Variants in LAMB3 observed in about 807,000 individuals in gnomAD.
LAMB3 encodes the protein laminin subunit beta 3.
In LAMB3, 104 loss-of-function variants were observed where a neutral mutation model predicts 140.3. The observed-to-expected ratio is 0.74, with a 90% CI of 0.63 to 0.87. The LOEUF is 0.87. Ranked by LOEUF, LAMB3 falls within the 40% of genes least tolerant of loss-of-function variation. LAMB3 has a pLI of 0.00. For missense variants in LAMB3, 1,531 were observed against 1,575.2 expected (o/e 0.97, Z 0.47); for synonymous variants, 592 against 602.9 (o/e 0.98, Z 0.26).
intron 3 of LAMB3, among the ~76,000 whole-genome samples, chr1:209,646,511 C>G (rs566097806): frequency 6.6e-6 from 1 of 152,340 alleles, no homozygotes; most frequent in Admixed American, 6.5e-5. Flanking sequence ...CACCCCCAGT[C>G]TGGGGTGACT....
chr1:209,623,892 C>T lies in LAMB3; in HGVS notation c.2085G>A (p.Met695Ile), dbSNP rs754737309. Reference sequence around the variant, plus strand: ...CAAACTGCTCCCTCTTCCTCTGATACATAGTAAGGAGACCATTGAAGCTTC... The same window carrying T: ...CAAACTGCTCCCTCTTCCTCTGATATATAGTAAGGAGACCATTGAAGCTTC... ...LDRSFNGLLT[M>I]YQRKREQFEK... The change falls in exon 15 of 23, where the codon ATG (methionine) becomes ATA (isoleucine). Residue 695 changes from methionine to isoleucine, a missense_variant. By Grantham distance (10) the Met-to-Ile change is conservative. Transcript: ENST00000356082. This position sits in a 1 kb window ranked among gnomAD's most constrained non-coding sequence, Gnocchi z 4.2. 1 of 1,614,182 alleles carries T rather than the reference C, an allele frequency of 6.2e-7. No individual in the cohort carries two copies. The highest frequency in any genetic ancestry group is 8.5e-7 in the Non-Finnish European group (1 of 1,180,024).
intron 9 of LAMB3, 124 bp downstream of exon 9, chr1:209,630,491 A>G: frequency 9.1e-7 from 1 of 1,094,368 alleles, no homozygotes; most frequent in Non-Finnish European, 1.4e-6. Context: ...GTAATGGTGC[A>G]ATTCAGTTTA....
At chr1:209,615,880 C>T (rs142336962) in intron 22 of LAMB3, among the ~76,000 whole-genome samples, 1 of 152,196 alleles carries the variant, frequency 6.6e-6, no homozygotes, top group Admixed American at 6.5e-5. Flanking sequence ...ACACTAGAAG[C>T]CAGGCACAGG....
intron 5 of LAMB3, among the ~76,000 whole-genome samples, chr1:209,635,506 G>A (rs190002093): frequency 2.2e-4 from 33 of 152,226 alleles, no homozygotes; most frequent in Admixed American, 3.9e-4. Context: ...AGGTTCCAGC[G>A]ATTCTCATGT....
intron 8 of LAMB3, among the ~76,000 whole-genome samples, chr1:209,631,247 GCT>G (rs1425704198): frequency 6.6e-6 from 1 of 152,248 alleles, no homozygotes; most frequent in African/African-American, 2.4e-5. Flanking sequence ...AACACCTTCA[GCT>G]TGGCATTCAA....
chr1:209,618,617 G>A lies in LAMB3; in HGVS notation c.2744C>T (p.Ala915Val). 1.2e-6 allele frequency: 2 copies of A among 1,614,228 alleles called. No individual in the cohort carries two copies. The highest frequency in any genetic ancestry group is 1.7e-6 in the Non-Finnish European group (2 of 1,180,040). Residue 915 changes from alanine to valine, a missense_variant, in exon 19 of 23, where the codon GCC becomes GTC. Transcript: ENST00000356082. ...TGTGGGCAGCCACAGGGCCAGCACGGCCTCGCTGACCTCCTGGATAGTGGC... is the reference window on the plus strand; with the variant it reads ...TGTGGGCAGCCACAGGGCCAGCACGACCTCGCTGACCTCCTGGATAGTGGC... ...DAATIQEVSE[A>V]VLALWLPTDS...
intron 21 of LAMB3, 70 bp from the exon 22 acceptor site, chr1:209,616,694 C>T: frequency 6.9e-7 from 1 of 1,455,118 alleles, no homozygotes; most frequent in Non-Finnish European, 9.6e-7. Flanking sequence ...GGCCAAAGCA[C>T]TTGATATCAC....
At chr1:209,643,905 G>T (rs2076492992) in intron 3 of LAMB3, among the ~76,000 whole-genome samples, 1 of 152,060 alleles carries the variant, frequency 6.6e-6, no homozygotes, top group Non-Finnish European at 1.5e-5. Context: ...AGATAATAAA[G>T]TTCCATCTTG....
In LAMB3 at chr1:209,625,744, G is replaced by T; in HGVS notation, c.1880C>A (p.Ala627Glu). The T allele has an allele frequency of 6.2e-7, 1 of 1,614,166 alleles. No individual in the cohort carries two copies. Among genetic ancestry groups the T allele is most frequent in the Admixed American group, 1.7e-5 (1 of 60,032 alleles). The change falls in exon 14 of 23, where the codon GCA (alanine) becomes GAA (glutamate). Residue 627 changes from alanine (A) to glutamate (E), a missense_variant. By Grantham distance (107) the Ala-to-Glu change is moderately radical (BLOSUM62 -1). Coordinates refer to ENST00000356082, the MANE Select transcript of LAMB3 (RefSeq NM_000228.3). ...DRGLASRILD[A>E]KSKIEQIRAV... ...TCGGATCTGCTCAATCTTACTCTTT[G>T]CATCTAGGATCCGGGAGGCCAGGCC...
At position 209,650,115 on chromosome 1, in the gene LAMB3, A is replaced by AG. The variant is rs777672897; in HGVS notation, c.31dup (p.Leu11ProfsTer43). 46 of 1,612,846 alleles carry AG rather than the reference A, an allele frequency of 2.9e-5. No homozygotes were observed. Among genetic ancestry groups the AG allele is most frequent in the Non-Finnish European group, 3.4e-5 (40 of 1,179,632 alleles). ...TTGTTGGGCATGCAGGAGGCCAGGC[A>AG]GGGCTGAAATCACAGGGATGTGTGA... On this transcript the variant is annotated frameshift_variant, in exon 3 of 23. Coordinates refer to ENST00000356082, the MANE Select transcript of LAMB3 (RefSeq NM_000228.3). LOFTEE classifies it high-confidence loss of function.
At chr1:209,625,500 G>A (rs941147372) in intron 14 of LAMB3, 148 bp downstream of exon 14, 16 of 1,066,074 alleles carry the variant, frequency 1.5e-5, no homozygotes, top group Middle Eastern at 2.7e-4. Flanking sequence ...AGCCTCACAG[G>A]ACTGTTGTAA....
At chr1:209,628,463 C>A (rs911246537) in intron 10 of LAMB3, among the ~76,000 whole-genome samples, 2 of 152,068 alleles carry the variant, frequency 1.3e-5, no homozygotes, top group African/African-American at 2.4e-5. Flanking sequence ...TTTGGGAGGC[C>A]GAGGCAGGTG....
At chr1:209,652,280 A>G (rs2076573734) in intron 1 of LAMB3, 89 bp downstream of exon 1, 1 of 152,382 alleles carries the variant, frequency 6.6e-6, no homozygotes. Flanking sequence ...GGAATAAATC[A>G]GGCCCTGAAA....
Position 209,623,897 on chromosome 1 carries a change from T to A in LAMB3, c.2080A>T (p.Thr694Ser). ...TGCTCCCTCTTCCTCTGATACATAG[T>A]AAGGAGACCATTGAAGCTTCTGTCA... ...SLDRSFNGLL[T>S]MYQRKREQFE... Residue 694 changes from threonine (T) to serine (S), a missense_variant, in exon 15 of 23, where the codon ACT becomes TCT. Coordinates refer to ENST00000356082, the MANE Select transcript of LAMB3 (RefSeq NM_000228.3). This position sits in a 1 kb window ranked among gnomAD's most constrained non-coding sequence, Gnocchi z 4.2. 6.2e-7 allele frequency: 1 copy of A among 1,614,134 alleles called. No individual in the cohort carries two copies. The highest frequency in any genetic ancestry group is 8.5e-7 in the Non-Finnish European group (1 of 1,179,984).
chr1:209,614,992 C>T lies in LAMB3; in HGVS notation c.*279G>A, dbSNP rs566086702. On this transcript the variant is annotated 3_prime_UTR_variant, in exon 23 of 23. Coordinates refer to ENST00000356082, the MANE Select transcript of LAMB3 (RefSeq NM_000228.3). ...TTCCTCCCCAGTGGAGAACTAAAGGCGGGGGATACTGCCCAGCCCAGCTTC... is the reference window on the plus strand; with the variant it reads ...TTCCTCCCCAGTGGAGAACTAAAGGTGGGGGATACTGCCCAGCCCAGCTTC... 6.1e-5 allele frequency: 26 copies of T among 428,324 alleles called. No individual in the cohort carries two copies. The highest frequency in any genetic ancestry group is 2.8e-4 in the East Asian group (7 of 25,320). The allele number at this position is 428,324 out of a possible 1,614,324, so 26.5% of individuals were successfully genotyped here. A position where few individuals can be genotyped will look rare whatever the true frequency, so the allele number is the denominator to read the frequency against.
chr1:209,635,521 G>A (rs1012736397), intron 5 of LAMB3, among the ~76,000 whole-genome samples: 3 of 152,146 alleles, frequency 2.0e-5, no homozygotes, highest in African/African-American at 7.2e-5. Flanking sequence ...TCATGTCTCA[G>A]CCTCCTGAGT....
intron 22 of LAMB3, 26 bp from the exon 23 acceptor site, chr1:209,615,433 A>T: frequency 6.4e-7 from 1 of 1,573,266 alleles, no homozygotes; most frequent in Non-Finnish European, 8.6e-7. Flanking sequence ...CAGCAGCAGG[A>T]GGAGGAGTTG....
intron 3 of LAMB3, among the ~76,000 whole-genome samples, chr1:209,647,542 C>T (rs1350901328): frequency 3.9e-5 from 6 of 152,124 alleles, no homozygotes; most frequent in Non-Finnish European, 1.5e-5. Flanking sequence ...GCTATGTCAT[C>T]CCTGCATGGA....
chr1:209,645,722 G>GAGAA (rs1553280566), intron 3 of LAMB3, among the ~76,000 whole-genome samples: 1 of 137,408 alleles, frequency 7.3e-6, no homozygotes. Flanking sequence ...TGTCCCAGGG[G>GAGAA]AAAAAAAAAA....
Sources: gnomAD v4.1 joint callset for allele counts (sites outside exome capture counted in the v4.1 genomes callset) on GRCh38, gnomAD v4.1.1 for gene constraint, Gnocchi (gnomAD v3.1) non-coding constraint, MANE v1.5 for transcripts, NCBI Gene and HGNC (gene_info 2026-07-23, HGNC 2026-07-21) for gene names.